The following RERE variants were observed in gnomAD, a reference collection of about 807,000 sequenced individuals.
The protein encoded by RERE is arginine-glutamic acid dipeptide repeats, also known as arginine-glutamic acid dipeptide repeats protein.
RERE carries 40 observed loss-of-function variants against 146.1 expected under a neutral mutation model. The observed-to-expected ratio is 0.27, with a 90% CI of 0.21 to 0.36. The LOEUF (loss-of-function observed/expected upper bound fraction) is 0.36, where lower values mean the gene tolerates loss of function less well. Ranked by LOEUF, RERE falls within the 10% of genes least tolerant of loss-of-function variation. RERE has a pLI of 1.00. For synonymous variants in RERE, 1,003 were observed against 866.0 expected, an observed-to-expected ratio of 1.16 and a Z score of -2.78; for missense variants, 1,933 against 2,138.7, an observed-to-expected ratio of 0.90 and a Z score of 1.90.
At chr1:8,490,355 AAAAAGAAAAG>A (rs1553173833) in intron 10 of RERE, among the ~76,000 whole-genome samples, 7 of 148,406 alleles carry the variant, frequency 4.7e-5, no homozygotes, top group African/African-American at 1.3e-4. Context: ...AAAAAAAAAA[AAAAAGAAAAG>A]AAAAGAAAAG....
At chr1:8,735,032 C>T (rs1640169887) in intron 1 of RERE, among the ~76,000 whole-genome samples, 1 of 152,182 alleles carries the variant, frequency 6.6e-6, no homozygotes, top group South Asian at 2.1e-4. Context: ...CTTATTGTGT[C>T]AAGTACTGTG....
chr1:8,441,087 C>T (rs1354114229), intron 11 of RERE, among the ~76,000 whole-genome samples: 2 of 151,820 alleles, frequency 1.3e-5, no homozygotes, highest in Non-Finnish European at 2.9e-5. Context: ...GCAAGTTTTT[C>T]ATCATTCAAT....
At chr1:8,468,076 C>G (rs1644627184) in intron 10 of RERE, among the ~76,000 whole-genome samples, 1 of 152,136 alleles carries the variant, frequency 6.6e-6, no homozygotes, top group Non-Finnish European at 1.5e-5. Context: ...TGTACATTAG[C>G]TATAAGAATA....
intron 4 of RERE, among the ~76,000 whole-genome samples, chr1:8,587,906 A>G (rs1447792754): frequency 1.3e-5 from 2 of 152,142 alleles, no homozygotes; most frequent in Non-Finnish European, 2.9e-5. Flanking sequence ...CACTTCCCCA[A>G]GCTCTGTTCT....
At chr1:8,678,948 G>A (rs1638904856) in intron 1 of RERE, among the ~76,000 whole-genome samples, 1 of 152,042 alleles carries the variant, frequency 6.6e-6, no homozygotes, top group African/African-American at 2.4e-5. Context: ...CTATCTACAT[G>A]GCTATTTAAA....
At chr1:8,434,667 C>T (rs957610659) in intron 11 of RERE, 1 of 152,236 alleles carries the variant, frequency 6.6e-6, no homozygotes, top group Admixed American at 6.5e-5. Context: ...ACTTCTAAGA[C>T]TACATCATAC....
intron 12 of RERE, among the ~76,000 whole-genome samples, chr1:8,374,116 AGGCCGAAG>A (rs1557596507): frequency 6.6e-6 from 1 of 152,176 alleles, no homozygotes; most frequent in Non-Finnish European, 1.5e-5. Flanking sequence ...TACGTTCAAG[AGGCCGAAG>A]GGCTCTGATC....
At chr1:8,745,198 T>G (rs1640395888) in intron 1 of RERE, among the ~76,000 whole-genome samples, 1 of 152,076 alleles carries the variant, frequency 6.6e-6, no homozygotes, top group South Asian at 2.1e-4. Context: ...AGATGGTGAG[T>G]GCTCAGGAGA....
intron 7 of RERE, chr1:8,526,168 G>C (rs1645568359): frequency 5.8e-6 from 4 of 683,964 alleles, no homozygotes; most frequent in Non-Finnish European, 7.3e-6. Context: ...GCAGGGAACT[G>C]AGCAAGCCCA....
intron 1 of RERE, among the ~76,000 whole-genome samples, chr1:8,660,088 C>A (rs1326322766): frequency 6.6e-6 from 1 of 151,718 alleles, no homozygotes; most frequent in African/African-American, 2.4e-5. Context: ...AATACCATAT[C>A]ATTTATATAT....
chr1:8,773,724 T>G (rs111257922), intron 1 of RERE, among the ~76,000 whole-genome samples: 332 of 152,248 alleles, frequency 2.2e-3, no homozygotes, highest in African/African-American at 7.8e-3. Context: ...CTTGGGAGGC[T>G]GAGGCAGGAG....
intron 1 of RERE, among the ~76,000 whole-genome samples, chr1:8,696,597 G>A (rs753790300): frequency 3.3e-5 from 5 of 152,110 alleles, no homozygotes; most frequent in African/African-American, 1.2e-4. Context: ...CTAGGCAACA[G>A]AGTGAGACAC....
chr1:8,389,238 G>A (rs1272127328), intron 12 of RERE, among the ~76,000 whole-genome samples: 2 of 152,136 alleles, frequency 1.3e-5, no homozygotes, highest in South Asian at 2.1e-4. Flanking sequence ...ATAATCTACA[G>A]CACAAGTAGC....
intron 2 of RERE, among the ~76,000 whole-genome samples, chr1:8,652,443 T>C (rs1647676204): frequency 1.3e-5 from 2 of 152,186 alleles, no homozygotes; most frequent in South Asian, 4.1e-4. Context: ...TCCCTTCACA[T>C]ATTCTTCCAG....
At position 8,605,771 on chromosome 1, in the gene RERE, A is replaced by AAAC. The variant is rs1491331726; in HGVS notation, c.522+8789_522+8790insGTT. ...AAAAAAAAAAAAAAAAAAAAAAAAA[A>AAAC]CCCCTAAAAAAAGTGATAATAGATT... On this transcript the variant is annotated intron_variant, in intron 4 of 22. Transcript: ENST00000400908. 2.5e-4 allele frequency among the ~76,000 whole-genome samples: 35 copies of AAAC among 138,300 alleles called. 1 individual carries two copies. The highest frequency in any genetic ancestry group is 8.1e-4 in the African/African-American group (29 of 35,866). The allele number at this position is 138,300 out of a possible 152,430, so 90.7% of individuals were successfully genotyped here.
intron 1 of RERE, among the ~76,000 whole-genome samples, chr1:8,802,853 C>G (rs1641612941): frequency 6.6e-6 from 1 of 152,082 alleles, no homozygotes; most frequent in Non-Finnish European, 1.5e-5. Context: ...AGTATGCATT[C>G]ATTTGAATTA....
chr1:8,363,317 C>G (rs1406650305), intron 15 of RERE, among the ~76,000 whole-genome samples: 1 of 152,246 alleles, frequency 6.6e-6, no homozygotes, highest in East Asian at 1.9e-4. Context: ...AGCAGCTCAG[C>G]TCCCCAAGCC....
rs148053060 is a variant in RERE at position 8,789,794 on chromosome 1, G to A, written c.-145+27366C>T. 2.4e-3 allele frequency among the ~76,000 whole-genome samples: 366 copies of A among 152,204 alleles called. 7 individuals are homozygous for A. Among genetic ancestry groups the A allele is most frequent in the East Asian group, 0.016 (82 of 5,172 alleles). On this transcript the variant is annotated intron_variant, in intron 1 of 22. Transcript: ENST00000400908. Reference sequence around the variant, plus strand: ...CCTCAGGCCGACCCCTGCCTGGACTGTCCTAACCTGCTCTCCCAGTCTGCT... The same window carrying A: ...CCTCAGGCCGACCCCTGCCTGGACTATCCTAACCTGCTCTCCCAGTCTGCT...
intron 1 of RERE, among the ~76,000 whole-genome samples, chr1:8,729,363 TA>T (rs1190888224): frequency 2.0e-5 from 3 of 151,456 alleles, no homozygotes; most frequent in African/African-American, 7.3e-5. Context: ...TAGCTGGGAC[TA>T]CAGGCACGTG....
Sources: gnomAD v4.1 joint callset for allele counts (sites outside exome capture counted in the v4.1 genomes callset) on GRCh38, gnomAD v4.1.1 for gene constraint, MANE v1.5 for transcripts, NCBI Gene and HGNC (gene_info 2026-07-23, HGNC 2026-07-21) for gene names.